The following SLC9A4 variants were observed in gnomAD, a reference collection of about 807,000 sequenced individuals.
SLC9A4 encodes the protein sodium/hydrogen exchanger 4.
In SLC9A4, 63 loss-of-function variants were observed where a neutral mutation model predicts 67.4. The ratio of observed to expected loss-of-function variants is 0.93; its 90% CI spans 0.76 to 1.15. The LOEUF (loss-of-function observed/expected upper bound fraction) is 1.15. Ranked by LOEUF, SLC9A4 falls within the 50% of genes most tolerant of loss-of-function variation. The pLI, the probability that SLC9A4 is intolerant of heterozygous loss-of-function variation, is 0.00. For synonymous variants in SLC9A4, 393 were observed against 367.2 expected (o/e 1.07, Z -0.80); for missense variants, 1,089 against 987.7 (o/e 1.10, Z -1.38).
At chr2:102,501,920 G>A (rs1684949063) in intron 2 of SLC9A4, among the ~76,000 whole-genome samples, 1 of 152,004 alleles carries the variant, frequency 6.6e-6, no homozygotes, top group South Asian at 2.1e-4. Context: ...GCCACAGCCA[G>A]AGGGGCAATG....
chr2:102,474,354 G>A (rs2104409139), intron 1 of SLC9A4, among the ~76,000 whole-genome samples: 1 of 152,320 alleles, frequency 6.6e-6, no homozygotes, highest in South Asian at 2.1e-4. Context: ...ACCTGGGCAT[G>A]ATGCAAGGTG....
chr2:102,518,922 G>A (rs1011528407), intron 8 of SLC9A4, among the ~76,000 whole-genome samples: 8 of 152,164 alleles, frequency 5.3e-5, no homozygotes, highest in Admixed American at 4.6e-4. Context: ...GAAGGTGATA[G>A]TATTAAAAAG....
chr2:102,483,130 G>A (rs1684502527), intron 2 of SLC9A4, among the ~76,000 whole-genome samples: 1 of 152,204 alleles, frequency 6.6e-6, no homozygotes, highest in South Asian at 2.1e-4. Flanking sequence ...CGGAGTATCT[G>A]CTGAGGACAC....
chr2:102,481,469 CTT>C (rs1294013226), intron 2 of SLC9A4, among the ~76,000 whole-genome samples: 8 of 152,132 alleles, frequency 5.3e-5, no homozygotes, highest in African/African-American at 1.4e-4. Context: ...GGTTGACAAA[CTT>C]AAAAAAATAC....
At position 102,479,180 on chromosome 2, in the gene SLC9A4, G is replaced by C. The variant is rs770759366; in HGVS notation, c.598G>C (p.Gly200Arg). ...DVNLLQNLLFGSLISAVDPVA... is the reference protein window; with the variant it reads ...DVNLLQNLLFRSLISAVDPVA... The stretch of plus-strand genomic sequence containing the variant: ...CAACCTGCTGCAGAACCTGCTGTTC[G>C]GCAGCCTGATCTCCGCCGTGGACCC... Residue 200 changes from glycine (G) to arginine (R), a missense_variant, in exon 2 of 12, where the codon GGC becomes CGC. Gly to Arg is a moderately radical substitution (Grantham distance 125). Coordinates refer to ENST00000295269, the MANE Select transcript of SLC9A4 (RefSeq NM_001011552.4). The C allele has an allele frequency of 1.2e-6, 2 of 1,614,006 alleles. No homozygotes were observed. Among genetic ancestry groups the C allele is most frequent in the African/African-American group, 1.3e-5 (1 of 74,934 alleles).
Position 102,514,115 on chromosome 2 carries a change from T to G in SLC9A4, c.1585T>G (p.Leu529Val). Residue 529 changes from leucine (L) to valine (V), a missense_variant, in exon 8 of 12, where the codon TTA becomes GTA. By Grantham distance (32) the Leu-to-Val change is conservative (BLOSUM62 1). Coordinates refer to ENST00000295269, the MANE Select transcript of SLC9A4 (RefSeq NM_001011552.4). ...DKFKKFDHRYLRKILIRKNLP... is the reference protein window; with the variant it reads ...DKFKKFDHRYVRKILIRKNLP... ...GTTTAAGAAGTTTGATCATAGATACTTACGGAAAATCCTCATCAGAAAGAA... is the reference window on the plus strand; with the variant it reads ...GTTTAAGAAGTTTGATCATAGATACGTACGGAAAATCCTCATCAGAAAGAA... 6.2e-7 allele frequency: 1 copy of G among 1,613,202 alleles called. No homozygotes were observed. Among genetic ancestry groups the G allele is most frequent in the Non-Finnish European group, 8.5e-7 (1 of 1,179,772 alleles).
chr2:102,475,876 C>T (rs541503516), intron 1 of SLC9A4, among the ~76,000 whole-genome samples: 6 of 152,070 alleles, frequency 3.9e-5, no homozygotes, highest in Non-Finnish European at 7.4e-5. Context: ...AATTTCAGCA[C>T]TTAAGAAATG....
intron 3 of SLC9A4, 42 bp downstream of exon 3, chr2:102,503,749 A>G (rs1364031697): frequency 6.2e-6 from 10 of 1,601,212 alleles, no homozygotes; most frequent in Admixed American, 3.4e-5. Context: ...TAATAGAAAG[A>G]AAGTTTAGAA....
At chr2:102,520,792 T>C (rs975289830) in intron 9 of SLC9A4, among the ~76,000 whole-genome samples, 27 of 152,228 alleles carry the variant, frequency 1.8e-4, no homozygotes, top group African/African-American at 6.3e-4. Context: ...GTTATCTGAC[T>C]TGTTCAAGGT....
Position 102,514,244 on chromosome 2 carries a change from C to A in SLC9A4, c.1714C>A (p.Pro572Thr). 1 of 1,606,734 alleles carries A rather than the reference C, an allele frequency of 6.2e-7. No individual in the cohort carries two copies. The highest frequency in any genetic ancestry group is 8.5e-7 in the Non-Finnish European group (1 of 1,174,998). The change falls in exon 8 of 12, where the codon CCC becomes ACC. Residue 572 changes from proline to threonine, a missense_variant. Transcript: ENST00000295269. ...ACTGAGCTCTACAGCTTTCTCCATA[C>A]CCCATCAGTGAGTCATATCTGTTCT... Reference protein sequence around the residue: ...GILSSTAFSIPHQAQRIQGIK... With the variant: ...GILSSTAFSITHQAQRIQGIK...
In SLC9A4 at chr2:102,532,337, C is replaced by T; in HGVS notation, c.2046C>T (p.Asp682=). 6.2e-7 allele frequency: 1 copy of T among 1,612,270 alleles called. No individual in the cohort carries two copies. The highest frequency in any genetic ancestry group is 8.5e-7 in the Non-Finnish European group (1 of 1,178,864). Reference sequence around the variant, plus strand: ...GCCATGATGTTTTCCTAGATGATGACAGCAGTGATCCAGGATCCCCATCCA... The same window carrying T: ...GCCATGATGTTTTCCTAGATGATGATAGCAGTGATCCAGGATCCCCATCCA... ...DTRAAGFSDD[D]SSDPGSPSIT... is the part of the protein sequence containing the mutation. The change falls in exon 12 of 12, where the codon GAC becomes GAT. Residue 682 remains aspartate (D), a synonymous_variant. Coordinates refer to ENST00000295269, the MANE Select transcript of SLC9A4 (RefSeq NM_001011552.4).
intron 7 of SLC9A4, among the ~76,000 whole-genome samples, chr2:102,513,288 C>G (rs1685204329): frequency 6.6e-6 from 1 of 152,224 alleles, no homozygotes; most frequent in Non-Finnish European, 1.5e-5. Flanking sequence ...TAGCACCTCA[C>G]AGACCAGGAA....
intron 9 of SLC9A4, among the ~76,000 whole-genome samples, chr2:102,522,398 A>C (rs978121068): frequency 6.6e-6 from 1 of 152,112 alleles, no homozygotes; most frequent in African/African-American, 2.4e-5. Context: ...ATAACACAGA[A>C]ATGGAGGGAG....
chr2:102,531,427 T>C lies in SLC9A4; in HGVS notation c.2039-903T>C, dbSNP rs771200239. Among the ~76,000 whole-genome samples, 7 of 152,080 alleles carry C rather than the reference T, an allele frequency of 4.6e-5. No individual in the cohort carries two copies. The East Asian group carries it at 7.7e-4, about 17-fold the overall frequency. On this transcript the variant is annotated intron_variant, in intron 11 of 11. Coordinates refer to ENST00000295269, the MANE Select transcript of SLC9A4 (RefSeq NM_001011552.4). ...CTGGAAGAGAATCCAAGAGGGGACA[T>C]TGCATAGACAGCTGCTGGCTCCCCT...
At chr2:102,480,530 C>G (rs1377415435) in intron 2 of SLC9A4, among the ~76,000 whole-genome samples, 4 of 152,048 alleles carry the variant, frequency 2.6e-5, no homozygotes, top group Non-Finnish European at 5.9e-5. Context: ...TAGCAGTTTC[C>G]TGATGAATGC....
At chr2:102,516,631 T>C (rs1372607058) in intron 8 of SLC9A4, among the ~76,000 whole-genome samples, 1 of 152,258 alleles carries the variant, frequency 6.6e-6, no homozygotes, top group African/African-American at 2.4e-5. Flanking sequence ...GTTGTCTATT[T>C]GCACAGTTTG....
rs571327700 is a variant in SLC9A4 at position 102,514,998 on chromosome 2, G to A, written c.1721+747G>A. Reference sequence around the variant, plus strand: ...AGCTGGCTAAATACTTCTTAAAGCTGTTTTAACTCTGACATTTAATGAGAG... The same window carrying A: ...AGCTGGCTAAATACTTCTTAAAGCTATTTTAACTCTGACATTTAATGAGAG... On this transcript the variant is annotated intron_variant, in intron 8 of 11. Transcript: ENST00000295269. 3.3e-5 allele frequency among the ~76,000 whole-genome samples: 5 copies of A among 152,272 alleles called. 1 individual carries two copies. The South Asian group carries it at 1.0e-3, about 32-fold the overall frequency.
intron 11 of SLC9A4, among the ~76,000 whole-genome samples, chr2:102,531,809 C>T (rs1674784135): frequency 6.6e-6 from 1 of 152,172 alleles, no homozygotes; most frequent in Admixed American, 6.5e-5. Flanking sequence ...TCCGGTCACG[C>T]CCTGGTCTCT....
At chr2:102,493,623 A>G (rs1684749721) in intron 2 of SLC9A4, among the ~76,000 whole-genome samples, 2 of 151,810 alleles carry the variant, frequency 1.3e-5, no homozygotes, top group Non-Finnish European at 2.9e-5. Flanking sequence ...GGGAACTACA[A>G]TTCAAGAAGA....
Sources: gnomAD v4.1 joint callset for allele counts (sites outside exome capture counted in the v4.1 genomes callset) on GRCh38, gnomAD v4.1.1 for gene constraint, MANE v1.5 for transcripts, NCBI Gene and HGNC (gene_info 2026-07-23, HGNC 2026-07-21) for gene names.